The following ESR1 variants were observed in gnomAD, a reference collection of about 807,000 sequenced individuals.
ESR1 encodes estrogen receptor 1.
In ESR1, 12 loss-of-function variants were observed where a neutral mutation model predicts 52.7. The ratio of observed to expected loss-of-function variants is 0.23; its 90% CI spans 0.15 to 0.37. The LOEUF (loss-of-function observed/expected upper bound fraction) is 0.37, where lower values mean the gene tolerates loss of function less well. ESR1 is among the 10% of genes least tolerant of loss of function. The pLI, the probability that ESR1 is intolerant of heterozygous loss-of-function variation, is 1.00. For missense variants in ESR1, 584 were observed against 779.7 expected (o/e 0.75, Z 2.99); for synonymous variants, 305 against 316.8 (o/e 0.96, Z 0.39).
chr6:151,663,646 T>A lies in ESR1; in HGVS notation n.73+6883T>A, dbSNP rs148005362. 6.5e-4 allele frequency among the ~76,000 whole-genome samples: 99 copies of A among 152,320 alleles called. No homozygotes were observed. In the East Asian group the frequency reaches 0.014, roughly 21 times the overall value. ...TGAGCTTTCACTGTGTCCCCAGAAC[T>A]GTGCTTGGTGCTAACAGTGGCCCCA... On this transcript the variant is annotated intron_variant and non_coding_transcript_variant, in intron 1 of 2. Transcript: ENST00000473497.
At chr6:152,056,586 A>G (rs1022289470) in intron 5 of ESR1, among the ~76,000 whole-genome samples, 1 of 152,198 alleles carries the variant, frequency 6.6e-6, no homozygotes, top group African/African-American at 2.4e-5. Flanking sequence ...TTTTATTTTT[A>G]TAGAGGAGAA....
intron 1 of ESR1, among the ~76,000 whole-genome samples, chr6:151,840,036 C>G (rs1018656958): frequency 2.6e-5 from 4 of 152,180 alleles, no homozygotes; most frequent in East Asian, 3.8e-4. Context: ...CACATTGGAA[C>G]TTCTGGCCAT....
At chr6:152,119,447 G>A (rs988321714) in intron 6 of ESR1, among the ~76,000 whole-genome samples, 1 of 152,130 alleles carries the variant, frequency 6.6e-6, no homozygotes, top group African/African-American at 2.4e-5. Flanking sequence ...AGATTCTAAT[G>A]CCTTATTTTT....
chr6:151,707,125 T>G (rs1030959455), intron 2 of ESR1, among the ~76,000 whole-genome samples: 1 of 152,226 alleles, frequency 6.6e-6, no homozygotes, highest in African/African-American at 2.4e-5. Flanking sequence ...AATGCCAATG[T>G]TCATTTCAAA....
At chr6:151,675,955 G>A (rs10080591) in intron 1 of ESR1, among the ~76,000 whole-genome samples, 436 of 152,366 alleles carry the variant, frequency 2.9e-3, no homozygotes, top group Non-Finnish European at 5.0e-3. Flanking sequence ...GGGAAGGCCA[G>A]CACCTGCCTG....
chr6:152,024,911 A>G (rs2044005507), intron 5 of ESR1, among the ~76,000 whole-genome samples: 1 of 151,248 alleles, frequency 6.6e-6, no homozygotes, highest in Admixed American at 6.6e-5. Context: ...CTAGTATACA[A>G]TCATATTGTC....
chr6:151,945,728 T>TA (rs2035624841), intron 4 of ESR1, among the ~76,000 whole-genome samples: 2 of 152,306 alleles, frequency 1.3e-5, no homozygotes, highest in Admixed American at 6.5e-5. Flanking sequence ...TATATGAAAC[T>TA]AAAAAAATGT....
chr6:151,827,725 C>A (rs1781748308), intron 1 of ESR1, among the ~76,000 whole-genome samples: 1 of 152,148 alleles, frequency 6.6e-6, no homozygotes, highest in African/African-American at 2.4e-5. Context: ...TTGATTCGCA[C>A]TTTGAAGGTC....
At chr6:151,707,354 C>T (rs1304915454) in intron 2 of ESR1, among the ~76,000 whole-genome samples, 3 of 151,894 alleles carry the variant, frequency 2.0e-5, no homozygotes, top group African/African-American at 7.3e-5. Context: ...TGTGGGTATA[C>T]ATATTTAAGT....
At chr6:152,096,380 G>A (rs1372718930) in intron 7 of ESR1, among the ~76,000 whole-genome samples, 1 of 152,146 alleles carries the variant, frequency 6.6e-6, no homozygotes, top group African/African-American at 2.4e-5. Context: ...ATGGTAAGAA[G>A]TTTGCTCCAT....
At chr6:151,836,304 C>T (rs558607187) in intron 1 of ESR1, among the ~76,000 whole-genome samples, 47 of 152,292 alleles carry the variant, frequency 3.1e-4, no homozygotes, top group South Asian at 2.5e-3. Flanking sequence ...AATGGACTCA[C>T]AGTGCCACGT....
intron 5 of ESR1, among the ~76,000 whole-genome samples, chr6:152,015,931 TA>T (rs1199066088): frequency 6.6e-6 from 1 of 152,134 alleles, no homozygotes; most frequent in Admixed American, 6.6e-5. Context: ...CTCTACAGGT[TA>T]AAAATAATTA....
At chr6:151,786,551 A>G (rs548516119) in intron 2 of ESR1, among the ~76,000 whole-genome samples, 2 of 152,332 alleles carry the variant, frequency 1.3e-5, no homozygotes, top group South Asian at 2.1e-4. Flanking sequence ...ACAAACGTTT[A>G]TATACACAAA....
intron 6 of ESR1, among the ~76,000 whole-genome samples, chr6:152,067,085 C>T (rs111744644): frequency 6.6e-6 from 1 of 152,170 alleles, no homozygotes. Flanking sequence ...AAATAAATCC[C>T]TGCCTGGAAA....
chr6:151,872,966 G>A (rs1406038855), intron 2 of ESR1, among the ~76,000 whole-genome samples: 5 of 152,156 alleles, frequency 3.3e-5, no homozygotes, highest in South Asian at 2.1e-4. Context: ...TATTTGTCTC[G>A]TAGATATGTT....
intron 3 of ESR1, among the ~76,000 whole-genome samples, chr6:151,894,696 T>G (rs766297754): frequency 6.6e-6 from 1 of 152,170 alleles, no homozygotes; most frequent in Non-Finnish European, 1.5e-5. Context: ...CAGTTGGCTG[T>G]AAGTATTTGG....
At chr6:152,040,657 T>A (rs1489312206) in intron 5 of ESR1, among the ~76,000 whole-genome samples, 2 of 152,230 alleles carry the variant, frequency 1.3e-5, no homozygotes, top group Non-Finnish European at 2.9e-5. Flanking sequence ...TGGGAAGATT[T>A]CCCTTCACTG....
intron 1 of ESR1, among the ~76,000 whole-genome samples, chr6:151,701,013 T>C (rs1172043746): frequency 6.6e-6 from 1 of 152,128 alleles, no homozygotes; most frequent in Non-Finnish European, 1.5e-5. Context: ...TAATTAAAAA[T>C]TAAGAACGTT....
At chr6:151,792,571 C>G (rs907830572) in intron 2 of ESR1, among the ~76,000 whole-genome samples, 2 of 152,010 alleles carry the variant, frequency 1.3e-5, no homozygotes, top group African/African-American at 4.8e-5. Context: ...TCCTGGGTAG[C>G]TGGTACTGCA....
Sources: allele counts gnomAD v4.1 joint callset (sites outside exome capture counted in the v4.1 genomes callset), GRCh38; gene constraint gnomAD v4.1.1; transcripts MANE v1.5; gene names NCBI Gene and HGNC (gene_info 2026-07-23, HGNC 2026-07-21).